The following CNTNAP2 variants were observed in gnomAD, a reference collection of about 807,000 sequenced individuals.
The protein encoded by CNTNAP2 is contactin associated protein 2.
A neutral mutation model predicts 155.2 loss-of-function variants in CNTNAP2; 98 were observed. The observed-to-expected ratio is 0.63, with a 90% CI of 0.54 to 0.75. The LOEUF is 0.75. CNTNAP2 is among the 30% of genes least tolerant of loss of function. The probability of loss-of-function intolerance (pLI) is 0.00; values close to 1 mark genes in which losing one functional copy is unlikely to be tolerated. For synonymous variants in CNTNAP2, 651 were observed against 631.2 expected (o/e 1.03, Z -0.47); for missense variants, 1,727 against 1,688.1 (o/e 1.02, Z -0.40).
chr7:146,869,539 A>G (rs1262008005), intron 3 of CNTNAP2, among the ~76,000 whole-genome samples: 1 of 152,156 alleles, frequency 6.6e-6, no homozygotes, highest in Non-Finnish European at 1.5e-5. Flanking sequence ...ATGATAGGCC[A>G]TCTGCAAGTA....
At chr7:146,225,844 T>A (rs761504740) in intron 1 of CNTNAP2, among the ~76,000 whole-genome samples, 1 of 152,216 alleles carries the variant, frequency 6.6e-6, no homozygotes, top group Non-Finnish European at 1.5e-5. Flanking sequence ...ATAATTAGTC[T>A]CTTTCTGGAT....
intron 21 of CNTNAP2, among the ~76,000 whole-genome samples, chr7:148,269,423 A>G (rs1245046195): frequency 2.0e-5 from 3 of 152,204 alleles, no homozygotes; most frequent in Non-Finnish European, 4.4e-5. Flanking sequence ...TCTTATCACC[A>G]CTTTTATGTT....
chr7:147,371,446 A>G (rs959064040), intron 9 of CNTNAP2, among the ~76,000 whole-genome samples: 3 of 152,186 alleles, frequency 2.0e-5, no homozygotes, highest in African/African-American at 7.2e-5. Context: ...GTATTATTAC[A>G]TTTACTTTAA....
intron 1 of CNTNAP2, among the ~76,000 whole-genome samples, chr7:146,721,347 A>G (rs1801304078): frequency 7.6e-6 from 1 of 131,424 alleles, no homozygotes; most frequent in East Asian, 2.2e-4. Context: ...TACATTCTAT[A>G]TATACATTCT....
At chr7:147,816,990 G>C (rs796251014) in intron 13 of CNTNAP2, among the ~76,000 whole-genome samples, 27 of 152,266 alleles carry the variant, frequency 1.8e-4, no homozygotes, top group African/African-American at 5.5e-4. Context: ...TCTGTCAAAA[G>C]TTGAACCTAA....
At chr7:146,961,779 A>G (rs1355764457) in intron 3 of CNTNAP2, among the ~76,000 whole-genome samples, 2 of 152,186 alleles carry the variant, frequency 1.3e-5, no homozygotes, top group South Asian at 2.1e-4. Context: ...TGAGGTGCTC[A>G]TGAGCTATTA....
At chr7:146,316,567 T>C (rs1454047393) in intron 1 of CNTNAP2, among the ~76,000 whole-genome samples, 1 of 152,044 alleles carries the variant, frequency 6.6e-6, no homozygotes, top group Non-Finnish European at 1.5e-5. Flanking sequence ...AAAAATTATG[T>C]CATAAGTCCA....
At chr7:146,675,697 T>C (rs552774778) in intron 1 of CNTNAP2, among the ~76,000 whole-genome samples, 41 of 152,314 alleles carry the variant, frequency 2.7e-4, no homozygotes, top group African/African-American at 9.1e-4. Context: ...TTAGCCATTT[T>C]ATTATGTAAG....
intron 9 of CNTNAP2, 146 bp from the exon 10 acceptor site, chr7:147,395,463 T>C (rs1351848153): frequency 3.8e-6 from 3 of 787,084 alleles, no homozygotes; most frequent in Non-Finnish European, 6.1e-6. Flanking sequence ...AAAAACTTCC[T>C]TTTTCTACAC....
intron 3 of CNTNAP2, among the ~76,000 whole-genome samples, chr7:146,848,347 A>G (rs1272201339): frequency 2.6e-5 from 4 of 152,214 alleles, no homozygotes; most frequent in African/African-American, 9.6e-5. Flanking sequence ...ATTTATCGTG[A>G]AAAAAGAGTG....
intron 13 of CNTNAP2, among the ~76,000 whole-genome samples, chr7:147,894,957 CTTTCTTTCTTTTT>C (rs1389253978): frequency 1.6e-5 from 1 of 62,860 alleles, no homozygotes; most frequent in African/African-American, 8.8e-5. Flanking sequence ...TTCTTTCTTT[CTTTCTTTCTTTTT>C]TTTTTTTTTT....
intron 3 of CNTNAP2, among the ~76,000 whole-genome samples, chr7:146,855,471 A>G (rs1156721898): frequency 2.0e-5 from 3 of 152,176 alleles, no homozygotes; most frequent in African/African-American, 7.2e-5. Flanking sequence ...ACTAGGCTAC[A>G]TATTTGAAAT....
intron 20 of CNTNAP2, among the ~76,000 whole-genome samples, chr7:148,260,064 G>T (rs372488649): frequency 2.0e-5 from 3 of 152,158 alleles, no homozygotes; most frequent in Non-Finnish European, 4.4e-5. Flanking sequence ...ACACTTAACC[G>T]TGGCAAATGC....
At chr7:147,763,583 C>T (rs889488386) in intron 13 of CNTNAP2, among the ~76,000 whole-genome samples, 4 of 152,112 alleles carry the variant, frequency 2.6e-5, no homozygotes, top group African/African-American at 9.7e-5. Flanking sequence ...TTGTCAGTCA[C>T]TTCTAAGGCT....
At chr7:147,167,594 C>A (rs1802139907) in intron 8 of CNTNAP2, 2 of 749,064 alleles carry the variant, frequency 2.7e-6, no homozygotes, top group South Asian at 1.7e-5. Context: ...GAAGCTGGAG[C>A]CCAGCATCAG....
At chr7:146,712,467 G>C (rs1224685515) in intron 1 of CNTNAP2, among the ~76,000 whole-genome samples, 1 of 148,656 alleles carries the variant, frequency 6.7e-6, no homozygotes, top group African/African-American at 2.5e-5. Context: ...TGAGGTATTT[G>C]AACTGGACTT....
At chr7:146,341,669 A>C (rs1243716342) in intron 1 of CNTNAP2, among the ~76,000 whole-genome samples, 1 of 152,190 alleles carries the variant, frequency 6.6e-6, no homozygotes, top group African/African-American at 2.4e-5. Context: ...GCAGAAAAGC[A>C]AGCTGTGAAA....
chr7:147,350,433 T>C (rs763533050), intron 9 of CNTNAP2, among the ~76,000 whole-genome samples: 1 of 151,930 alleles, frequency 6.6e-6, no homozygotes, highest in Non-Finnish European at 1.5e-5. Context: ...ATACACTTTA[T>C]AGTACTCATT....
chr7:148,110,466 C>T (rs1032831462), intron 15 of CNTNAP2, among the ~76,000 whole-genome samples: 4 of 152,180 alleles, frequency 2.6e-5, no homozygotes, highest in South Asian at 2.1e-4. Context: ...TAGTACCACC[C>T]GCGCCAATGC....
Sources: allele counts gnomAD v4.1 joint callset (sites outside exome capture counted in the v4.1 genomes callset), GRCh38; gene constraint gnomAD v4.1.1; transcripts MANE v1.5; gene names NCBI Gene and HGNC (gene_info 2026-07-23, HGNC 2026-07-21).